Variants in MMP16 observed in about 807,000 individuals in gnomAD.
The protein encoded by MMP16 is matrix metalloproteinase-16.
A neutral mutation model predicts 67.8 loss-of-function variants in MMP16; 12 were observed. The observed-to-expected ratio is 0.18, with a 90% CI of 0.11 to 0.29. The LOEUF (loss-of-function observed/expected upper bound fraction) is 0.29. Ranked by LOEUF, MMP16 falls within the 10% of genes least tolerant of loss-of-function variation. The pLI is 1.00. For synonymous variants in MMP16, 249 were observed against 255.9 expected (o/e 0.97, Z 0.26); for missense variants, 475 against 765.7 (o/e 0.62, Z 4.48).
At chr8:88,185,472 A>C (rs1346026397) in intron 3 of MMP16, among the ~76,000 whole-genome samples, 1 of 152,160 alleles carries the variant, frequency 6.6e-6, no homozygotes, top group Admixed American at 6.5e-5. Context: ...CAAAATAACC[A>C]AAATAAGTTC....
chr8:88,255,712 A>G (rs1214262721), intron 1 of MMP16, among the ~76,000 whole-genome samples: 1 of 152,216 alleles, frequency 6.6e-6, no homozygotes, highest in African/African-American at 2.4e-5. Flanking sequence ...ACTCTGCCGA[A>G]GGATGGGCAG....
At chr8:88,056,475 A>G (rs1012404791) in intron 7 of MMP16, among the ~76,000 whole-genome samples, 197 bp from the exon 8 acceptor site, 6 of 151,334 alleles carry the variant, frequency 4.0e-5, no homozygotes, top group African/African-American at 1.4e-4. Flanking sequence ...AATATCATTC[A>G]GAAGTGGATA....
At chr8:88,256,098 A>G (rs1417458466) in intron 1 of MMP16, among the ~76,000 whole-genome samples, 1 of 152,100 alleles carries the variant, frequency 6.6e-6, no homozygotes, top group Non-Finnish European at 1.5e-5. Context: ...TTTTCTAGGC[A>G]GTATTTTTAA....
chr8:88,081,740 T>C (rs1217848326), intron 6 of MMP16, among the ~76,000 whole-genome samples: 1 of 152,148 alleles, frequency 6.6e-6, no homozygotes, highest in Non-Finnish European at 1.5e-5. Flanking sequence ...CTTACATATA[T>C]TGTAGTAAAA....
chr8:88,261,417 T>C (rs7823341), intron 1 of MMP16, among the ~76,000 whole-genome samples: 148,296 of 152,210 alleles, frequency 0.97, 72,350 homozygotes, highest in East Asian at 1. Flanking sequence ...AAAAAAATAA[T>C]CCAACAATTT....
At chr8:88,265,070 G>C (rs1810453384) in intron 1 of MMP16, among the ~76,000 whole-genome samples, 1 of 152,208 alleles carries the variant, frequency 6.6e-6, no homozygotes. Flanking sequence ...CCTATTTGAT[G>C]CTACCTAAAA....
intron 1 of MMP16, among the ~76,000 whole-genome samples, chr8:88,262,575 T>C (rs968970266): frequency 5.3e-5 from 8 of 152,204 alleles, no homozygotes; most frequent in Non-Finnish European, 7.3e-5. Context: ...TTTGTCAATA[T>C]AGTGGTAGTT....
chr8:88,107,434 T>C (rs1420684152), intron 6 of MMP16, among the ~76,000 whole-genome samples: 1 of 151,074 alleles, frequency 6.6e-6, no homozygotes, highest in Non-Finnish European at 1.5e-5. Flanking sequence ...TTCAAATACA[T>C]GGAAATTCTT....
At chr8:88,223,781 G>A (rs771128169) in intron 1 of MMP16, among the ~76,000 whole-genome samples, 1 of 151,664 alleles carries the variant, frequency 6.6e-6, no homozygotes, top group East Asian at 1.9e-4. Flanking sequence ...CATGGCACAT[G>A]TATACATATG....
chr8:88,275,766 A>T (rs2129982512), intron 1 of MMP16, among the ~76,000 whole-genome samples: 1 of 152,078 alleles, frequency 6.6e-6, no homozygotes, highest in African/African-American at 2.4e-5. Flanking sequence ...TATTATTAAT[A>T]CTCATAGTAA....
chr8:88,242,482 C>T (rs1414005325), intron 1 of MMP16, among the ~76,000 whole-genome samples: 1 of 152,114 alleles, frequency 6.6e-6, no homozygotes, highest in East Asian at 1.9e-4. Context: ...AAGTATGCTG[C>T]CCTGTGTGAA....
chr8:88,095,510 C>G (rs75316812), intron 6 of MMP16, among the ~76,000 whole-genome samples: 4,694 of 151,896 alleles, frequency 0.031, 99 homozygotes, highest in Non-Finnish European at 0.044. Flanking sequence ...AATGGGGGAA[C>G]TGACAAGTTT....
intron 5 of MMP16, among the ~76,000 whole-genome samples, chr8:88,118,066 T>C (rs970542075): frequency 6.6e-5 from 10 of 152,080 alleles, no homozygotes; most frequent in Non-Finnish European, 1.0e-4. Context: ...TTTGCATTCA[T>C]TGAGTGAATA....
At chr8:88,227,063 G>C (rs1809782332) in intron 1 of MMP16, among the ~76,000 whole-genome samples, 1 of 152,004 alleles carries the variant, frequency 6.6e-6, no homozygotes, top group African/African-American at 2.4e-5. Flanking sequence ...AGGCAACTGT[G>C]TTTTATAAGT....
intron 6 of MMP16, among the ~76,000 whole-genome samples, chr8:88,096,109 C>G (rs138853871): frequency 1.3e-5 from 2 of 151,956 alleles, no homozygotes; most frequent in South Asian, 4.1e-4. Context: ...GAAAGAAGAA[C>G]GTTGTTTATT....
At chr8:88,163,517 A>C (rs551843805) in intron 4 of MMP16, among the ~76,000 whole-genome samples, 1 of 152,182 alleles carries the variant, frequency 6.6e-6, no homozygotes, top group South Asian at 2.1e-4. Flanking sequence ...CTACGTGGTA[A>C]AATAGGATAT....
intron 1 of MMP16, among the ~76,000 whole-genome samples, chr8:88,215,708 T>C (rs977718847): frequency 1.3e-5 from 2 of 152,180 alleles, no homozygotes; most frequent in Non-Finnish European, 2.9e-5. Flanking sequence ...CTTACTGCTG[T>C]TCTTAATCTC....
At position 88,186,521 on chromosome 8, in the gene MMP16, T is replaced by A; in HGVS notation, c.359A>T (p.Tyr120Phe). ...CTGCCATTTCTGTCCTGTCAATGCA[T>A]ATCGCTTTCGACGAATATGAAATTT... ...SSKFHIRRKR[Y>F]ALTGQKWQHK... The change falls in exon 3 of 10, where the codon TAT becomes TTT. Residue 120 changes from tyrosine (Y) to phenylalanine (F), a missense_variant. Tyr to Phe is a conservative substitution (Grantham distance 22). Around this residue, in one of 5 missense-constraint regions of MMP16, gnomAD observed 170 missense variants for 239.6 expected, o/e 0.71. Transcript: ENST00000286614. 4 of 1,610,198 alleles carry A rather than the reference T, an allele frequency of 2.5e-6. No individual in the cohort carries two copies. Among genetic ancestry groups the A allele is most frequent in the Non-Finnish European group, 3.4e-6 (4 of 1,179,548 alleles).
chr8:88,097,898 G>A (rs928126693), intron 6 of MMP16, among the ~76,000 whole-genome samples: 2 of 151,838 alleles, frequency 1.3e-5, no homozygotes, highest in Non-Finnish European at 2.9e-5. Context: ...ATTACCTGGA[G>A]TTAGACAAAC....
Sources: allele counts gnomAD v4.1 joint callset (sites outside exome capture counted in the v4.1 genomes callset), GRCh38; gene constraint gnomAD v4.1.1; regional missense constraint gnomAD v4.1.1; transcripts MANE v1.5; gene names NCBI Gene and HGNC (gene_info 2026-07-23, HGNC 2026-07-21).